Variants in AGBL1 observed in about 807,000 individuals in gnomAD.
AGBL1 encodes cytosolic carboxypeptidase 4.
Under a neutral mutation model 118.9 loss-of-function variants are expected in AGBL1, and 130 were observed. The observed-to-expected ratio is 1.09, with a 90% CI of 0.95 to 1.26. The LOEUF is 1.26. Among genes scored for constraint, AGBL1 ranks in the 50% most tolerant of loss-of-function variants. The pLI, the probability that AGBL1 is intolerant of heterozygous loss-of-function variation, is 0.00. For synonymous variants in AGBL1, 555 were observed against 478.9 expected, an observed-to-expected ratio of 1.16 and a Z score of -2.08; for missense variants, 1,584 against 1,298.1, an observed-to-expected ratio of 1.22 and a Z score of -3.38.
intron 5 of AGBL1, among the ~76,000 whole-genome samples, chr15:86,220,176 A>G (rs2141915536): frequency 6.6e-6 from 1 of 151,508 alleles, no homozygotes; most frequent in Admixed American, 6.6e-5. Context: ...CTGGCGTTGA[A>G]CTCTTCACCT....
At chr15:86,950,574 T>C (rs1647458093) in intron 23 of AGBL1, among the ~76,000 whole-genome samples, 1 of 151,402 alleles carries the variant, frequency 6.6e-6, no homozygotes, top group South Asian at 2.1e-4. Flanking sequence ...TATATTTATT[T>C]ATAAGTTAAG....
chr15:86,534,792 A>G (rs1348272486), intron 19 of AGBL1, among the ~76,000 whole-genome samples: 2 of 152,208 alleles, frequency 1.3e-5, no homozygotes, highest in Non-Finnish European at 1.5e-5. Flanking sequence ...ACTAAAGACT[A>G]CATACTCTAT....
chr15:86,901,906 G>A (rs1037748895), intron 22 of AGBL1, among the ~76,000 whole-genome samples: 4 of 151,972 alleles, frequency 2.6e-5, no homozygotes, highest in African/African-American at 9.7e-5. Context: ...GCTGGTTAAT[G>A]TTCAAACAGC....
At chr15:86,958,773 G>A (rs1165948688) in intron 23 of AGBL1, among the ~76,000 whole-genome samples, 3 of 152,074 alleles carry the variant, frequency 2.0e-5, no homozygotes. Flanking sequence ...AATAGCAAAA[G>A]CATGAAAACA....
chr15:86,683,215 T>TTGG (rs1290923639), intron 22 of AGBL1, among the ~76,000 whole-genome samples: 2 of 152,178 alleles, frequency 1.3e-5, no homozygotes, highest in African/African-American at 4.8e-5. Flanking sequence ...AACGTATGTA[T>TTGG]TGGGTACATG....
intron 22 of AGBL1, among the ~76,000 whole-genome samples, chr15:86,756,984 G>A (rs898664776): frequency 1.8e-4 from 25 of 140,882 alleles, no homozygotes; most frequent in African/African-American, 5.8e-4. Context: ...CATTCCGCTT[G>A]TAACTAATTA....
At chr15:86,747,978 G>C (rs546914068) in intron 22 of AGBL1, among the ~76,000 whole-genome samples, 5 of 151,974 alleles carry the variant, frequency 3.3e-5, no homozygotes, top group South Asian at 2.1e-4. Context: ...ATTTATAATC[G>C]TTTGGGTATA....
chr15:86,609,769 C>T (rs754592593), intron 21 of AGBL1, among the ~76,000 whole-genome samples: 22 of 152,226 alleles, frequency 1.4e-4, no homozygotes, highest in Middle Eastern at 3.4e-3. Flanking sequence ...GATTTGTAAA[C>T]GACATACTCT....
intron 21 of AGBL1, among the ~76,000 whole-genome samples, chr15:86,644,235 A>G (rs1181124386): frequency 1.3e-5 from 2 of 152,118 alleles, no homozygotes; most frequent in African/African-American, 4.8e-5. Flanking sequence ...TTTTATTTTG[A>G]CAAATAATTG....
intron 24 of AGBL1, among the ~76,000 whole-genome samples, chr15:87,018,303 A>C (rs1419535306): frequency 6.6e-6 from 1 of 152,148 alleles, no homozygotes; most frequent in African/African-American, 2.4e-5. Context: ...CAACCCCAAG[A>C]AACATAATCA....
chr15:86,647,025 T>C (rs539818003), intron 21 of AGBL1, among the ~76,000 whole-genome samples: 1 of 152,310 alleles, frequency 6.6e-6, no homozygotes, highest in East Asian at 1.9e-4. Context: ...TCTTATGTGA[T>C]CTTCTCTAGC....
At chr15:86,746,628 C>G (rs1048128488) in intron 22 of AGBL1, among the ~76,000 whole-genome samples, 4 of 152,022 alleles carry the variant, frequency 2.6e-5, no homozygotes, top group African/African-American at 9.7e-5. Flanking sequence ...AGGTCCAGCA[C>G]AAAATAGGTA....
At chr15:86,698,993 T>C (rs182756982) in intron 22 of AGBL1, among the ~76,000 whole-genome samples, 2 of 152,032 alleles carry the variant, frequency 1.3e-5, no homozygotes, top group African/African-American at 4.8e-5. Context: ...TCATTAAAAG[T>C]CTCTATAACT....
At chr15:86,240,504 G>C (rs1385531569) in intron 6 of AGBL1, among the ~76,000 whole-genome samples, 6 of 152,210 alleles carry the variant, frequency 3.9e-5, no homozygotes, top group African/African-American at 1.4e-4. Context: ...CAGGGTTTGA[G>C]AAGAGTGGTT....
At chr15:86,243,376 G>T (rs1176195809) in intron 6 of AGBL1, among the ~76,000 whole-genome samples, 1 of 152,162 alleles carries the variant, frequency 6.6e-6, no homozygotes, top group Non-Finnish European at 1.5e-5. Context: ...GTTAAAATAA[G>T]GATATCACTA....
intron 6 of AGBL1, 97 bp downstream of exon 6, chr15:86,225,048 T>TTC (rs2078339730): frequency 2.6e-6 from 3 of 1,133,614 alleles, no homozygotes; most frequent in Non-Finnish European, 1.3e-6. Context: ...TTTTTTTTTT[T>TTC]CATGAACTAC....
At chr15:86,094,605 G>A (rs1005012430) in intron 1 of AGBL1, among the ~76,000 whole-genome samples, 3 of 152,156 alleles carry the variant, frequency 2.0e-5, no homozygotes, top group Middle Eastern at 6.8e-3. Flanking sequence ...ATTCCACACC[G>A]AGCTCTGGAA....
At chr15:86,687,781 C>T (rs2086086118) in intron 22 of AGBL1, among the ~76,000 whole-genome samples, 1 of 152,108 alleles carries the variant, frequency 6.6e-6, no homozygotes, top group Non-Finnish European at 1.5e-5. Flanking sequence ...TATAATTCTT[C>T]ACTATGTTCA....
intron 5 of AGBL1, among the ~76,000 whole-genome samples, chr15:86,178,743 G>A (rs540304264): frequency 2.0e-5 from 3 of 152,278 alleles, no homozygotes; most frequent in East Asian, 1.9e-4. Context: ...TGAAGCCAGC[G>A]TTACCCTGAT....
Sources: allele counts gnomAD v4.1 joint callset (sites outside exome capture counted in the v4.1 genomes callset), GRCh38; gene constraint gnomAD v4.1.1; transcripts MANE v1.5; gene names NCBI Gene and HGNC (gene_info 2026-07-23, HGNC 2026-07-21).